The following PLCB1 variants were observed in gnomAD, a reference collection of about 807,000 sequenced individuals.
PLCB1 encodes 1-phosphatidylinositol 4,5-bisphosphate phosphodiesterase beta-1.
In PLCB1, 46 loss-of-function variants were observed where a neutral mutation model predicts 161.8. That is an observed-to-expected ratio of 0.28 (90% confidence interval 0.22 to 0.36). The LOEUF (loss-of-function observed/expected upper bound fraction) is 0.36. Ranked by LOEUF, PLCB1 falls within the 10% of genes least tolerant of loss-of-function variation. The probability of loss-of-function intolerance (pLI) is 1.00; values close to 1 mark genes in which losing one functional copy is unlikely to be tolerated. For missense variants in PLCB1, 1,016 were observed against 1,472.5 expected (o/e 0.69, Z 5.07); for synonymous variants, 517 against 503.7 (o/e 1.03, Z -0.35).
At chr20:8,731,461 C>T (rs1349166148) in intron 18 of PLCB1, among the ~76,000 whole-genome samples, 1 of 151,866 alleles carries the variant, frequency 6.6e-6, no homozygotes, top group Admixed American at 6.6e-5. Context: ...TTCTCTTCAT[C>T]CTGATCCTAA....
intron 9 of PLCB1, among the ~76,000 whole-genome samples, chr20:8,658,926 CAT>C (rs1404285347): frequency 2.0e-5 from 3 of 152,112 alleles, no homozygotes; most frequent in African/African-American, 7.2e-5. Flanking sequence ...ATGCATGTAA[CAT>C]ATTTTTAAAA....
chr20:8,437,120 C>G (rs1191225335), intron 3 of PLCB1, among the ~76,000 whole-genome samples: 1 of 152,080 alleles, frequency 6.6e-6, no homozygotes, highest in East Asian at 1.9e-4. Flanking sequence ...ATCTGTTCAG[C>G]CAGGCCTGGA....
intron 2 of PLCB1, among the ~76,000 whole-genome samples, chr20:8,196,980 C>A (rs996770472): frequency 6.6e-6 from 1 of 152,016 alleles, no homozygotes; most frequent in Admixed American, 6.6e-5. Context: ...CATCCATGTC[C>A]CTACAAAGGA....
At chr20:8,824,017 T>G (rs927417343) in intron 31 of PLCB1, among the ~76,000 whole-genome samples, 1 of 152,150 alleles carries the variant, frequency 6.6e-6, no homozygotes, top group African/African-American at 2.4e-5. Flanking sequence ...CTATCCCGCC[T>G]TGGGGAATCA....
At chr20:8,636,538 A>G (rs1026710710) in intron 4 of PLCB1, among the ~76,000 whole-genome samples, 2 of 152,236 alleles carry the variant, frequency 1.3e-5, no homozygotes, top group African/African-American at 4.8e-5. Context: ...AAGTCAAAAG[A>G]AAGACATTCG....
chr20:8,182,908 A>G (rs999146775), intron 2 of PLCB1, among the ~76,000 whole-genome samples: 1 of 152,160 alleles, frequency 6.6e-6, no homozygotes. Flanking sequence ...ATTTGCAGCC[A>G]CTGAGATAAA....
At chr20:8,714,002 A>ACCTG in intron 12 of PLCB1, among the ~76,000 whole-genome samples, 1 of 152,232 alleles carries the variant, frequency 6.6e-6, no homozygotes, top group South Asian at 2.1e-4. Flanking sequence ...CATTCAGGTA[A>ACCTG]AATGCCCTGC....
intron 2 of PLCB1, among the ~76,000 whole-genome samples, chr20:8,312,426 A>C (rs761210696): frequency 1.3e-5 from 2 of 152,054 alleles, no homozygotes; most frequent in Non-Finnish European, 2.9e-5. Context: ...ATCTCAACAG[A>C]CCTTCAAAGA....
chr20:8,852,945 A>G lies in PLCB1; in HGVS notation c.3424-28677A>G, dbSNP rs542461218. Among the ~76,000 whole-genome samples, 3 of 152,286 alleles carry G rather than the reference A, an allele frequency of 2.0e-5. No individual in the cohort carries two copies. The South Asian group carries it at 6.2e-4, about 32-fold the overall frequency. On this transcript the variant is annotated intron_variant, in intron 31 of 31. Transcript: ENST00000338037. ...GCCAGAAGTTACATTATGTCAGTTT[A>G]CAGTGTGGCAGCCCCCATATCCATT...
chr20:8,697,586 T>C (rs772434553), intron 10 of PLCB1, 40 bp from the exon 11 acceptor site: 13 of 1,610,516 alleles, frequency 8.1e-6, no homozygotes, highest in Non-Finnish European at 1.1e-5. Flanking sequence ...TCATCCTTGC[T>C]TCATGGGAAT....
intron 27 of PLCB1, among the ~76,000 whole-genome samples, chr20:8,779,497 C>T (rs6056104): frequency 0.91 from 122,675 of 134,446 alleles, 56,195 homozygotes; most frequent in East Asian, 0.97. Context: ...CTGTAGACTC[C>T]ACTTTTGTGC....
At chr20:8,588,209 T>C (rs942967428) in intron 3 of PLCB1, among the ~76,000 whole-genome samples, 13 of 152,216 alleles carry the variant, frequency 8.5e-5, no homozygotes. Context: ...GTACCTGGTC[T>C]GAAGAGGCCT....
chr20:8,799,497 T>C (rs2146236716), intron 31 of PLCB1, among the ~76,000 whole-genome samples: 1 of 152,364 alleles, frequency 6.6e-6, no homozygotes, highest in African/African-American at 2.4e-5. Context: ...TAGATTTTTT[T>C]AATCCTCAAT....
In PLCB1 at chr20:8,703,974, T is replaced by C. The variant is rs76839009; in HGVS notation, c.1168-4696T>C. ...TGACTCTCCTTGGCCGAAATACCAA[T>C]GAGGTGAGCCTACAATCCACTTTCA... On this transcript the variant is annotated intron_variant, in intron 11 of 31. Transcript: ENST00000338037. Among the ~76,000 whole-genome samples the C allele has an allele frequency of 3.3e-3, 499 of 152,202 alleles. 21 individuals are homozygous for C. In the East Asian group the frequency reaches 0.077, roughly 23 times the overall value.
At chr20:8,244,766 A>T (rs1056116236) in intron 2 of PLCB1, among the ~76,000 whole-genome samples, 1 of 151,882 alleles carries the variant, frequency 6.6e-6, no homozygotes. Context: ...ATGTTTCACA[A>T]CACATTATTT....
At chr20:8,797,941 C>G (rs1286462401) in intron 31 of PLCB1, among the ~76,000 whole-genome samples, 1 of 152,206 alleles carries the variant, frequency 6.6e-6, no homozygotes, top group Non-Finnish European at 1.5e-5. Context: ...TGTCTGTAAT[C>G]CCAACACTTT....
intron 2 of PLCB1, among the ~76,000 whole-genome samples, chr20:8,243,523 C>T (rs1258598130): frequency 6.6e-6 from 1 of 151,814 alleles, no homozygotes; most frequent in East Asian, 1.9e-4. Context: ...GCTAAGGGAG[C>T]TATGTACCTC....
chr20:8,275,270 T>TGTGTG (rs1296066734), intron 2 of PLCB1, among the ~76,000 whole-genome samples: 1 of 151,662 alleles, frequency 6.6e-6, no homozygotes, highest in African/African-American at 2.4e-5. Flanking sequence ...TGTGTGTGTG[T>TGTGTG]GTGTGTGTGT....
intron 9 of PLCB1, among the ~76,000 whole-genome samples, 196 bp downstream of exon 9, chr20:8,658,900 G>GT (rs1989545164): frequency 6.6e-6 from 1 of 151,962 alleles, no homozygotes; most frequent in Non-Finnish European, 1.5e-5. Context: ...TTTTGTCATT[G>GT]TTGTTATATG....
Sources: gnomAD v4.1 joint callset for allele counts (sites outside exome capture counted in the v4.1 genomes callset) on GRCh38, gnomAD v4.1.1 for gene constraint, MANE v1.5 for transcripts, NCBI Gene and HGNC (gene_info 2026-07-23, HGNC 2026-07-21) for gene names.